The following PDCD11 variants were observed in gnomAD, a reference collection of about 807,000 sequenced individuals.
PDCD11 encodes programmed cell death 11, also known as protein RRP5 homolog.
A neutral mutation model predicts 198.9 loss-of-function variants in PDCD11; 97 were observed. The ratio of observed to expected loss-of-function variants is 0.49; its 90% confidence interval spans 0.41 to 0.58. The LOEUF (loss-of-function observed/expected upper bound fraction) is 0.58. PDCD11 is among the 20% of genes least tolerant of loss of function. PDCD11 has a pLI of 0.00. For synonymous variants in PDCD11, 893 were observed against 918.0 expected (o/e 0.97, Z 0.49); for missense variants, 2,102 against 2,312.7 (o/e 0.91, Z 1.87).
chr10:103,397,732 C>A (rs2093444701), intron 1 of PDCD11, among the ~76,000 whole-genome samples: 1 of 152,224 alleles, frequency 6.6e-6, no homozygotes, highest in South Asian at 2.1e-4. Flanking sequence ...TGGTGCCCGG[C>A]CTTCTTTAAA....
rs550658896 is a variant in PDCD11 at position 103,418,006 on chromosome 10, A to G, written c.1911+74A>G. 42 of 1,524,460 alleles carry G rather than the reference A, an allele frequency of 2.8e-5. 1 individual carries two copies. The East Asian group carries it at 8.8e-4, about 32-fold the overall frequency. The allele number at this position is 1,524,460 out of a possible 1,614,324, so 94.4% of individuals were successfully genotyped here. A position where few individuals can be genotyped will look rare whatever the true frequency, so the allele number is the denominator to read the frequency against. On this transcript the variant is annotated intron_variant, in intron 14 of 35. Coordinates refer to ENST00000369797, the MANE Select transcript of PDCD11 (RefSeq NM_014976.2). ...GCAGGGAACCACTAACACATGGCAT[A>G]TTGGAACCCACGAAGCGGAAAGATA...
chr10:103,413,459 AG>A (rs905832110), intron 9 of PDCD11, 137 bp downstream of exon 9: 2 of 677,650 alleles, frequency 3.0e-6, no homozygotes, highest in Non-Finnish European at 5.1e-6. Context: ...TCCTGTTCAT[AG>A]TGATTAGAAC....
chr10:103,427,413 C>G (rs769390067), intron 21 of PDCD11, 22 bp downstream of exon 21: 13 of 1,596,550 alleles, frequency 8.1e-6, no homozygotes, highest in Non-Finnish European at 1.1e-5. Flanking sequence ...ATTAGCAGCA[C>G]TGTCTTACGG....
At chr10:103,422,507 T>G (rs1251072183) in intron 17 of PDCD11, among the ~76,000 whole-genome samples, 1 of 151,606 alleles carries the variant, frequency 6.6e-6, no homozygotes, top group Non-Finnish European at 1.5e-5. Context: ...AAAATTTCCC[T>G]TAGTTCTGTG....
chr10:103,443,189 G>T lies in PDCD11; in HGVS notation c.4980G>T (p.Val1660=). The change falls in exon 33 of 36, where the codon GTG becomes GTT. Residue 1660 remains valine, a synonymous_variant. Coordinates refer to ENST00000369797, the MANE Select transcript of PDCD11 (RefSeq NM_014976.2). Reference sequence around the variant, plus strand: ...GAGAGGAGCAGGAGAAGCTGAACGTGTGGGTGGCTCTGCTGAACCTGGAGA... The same window carrying T: ...GAGAGGAGCAGGAGAAGCTGAACGTTTGGGTGGCTCTGCTGAACCTGGAGA... ...SFREEQEKLN[V]WVALLNLENM... 6.2e-7 allele frequency: 1 copy of T among 1,601,044 alleles called. No individual in the cohort carries two copies. The highest frequency in any genetic ancestry group is 8.5e-7 in the Non-Finnish European group (1 of 1,171,072).
chr10:103,435,866 G>GCT (rs1435191228), intron 25 of PDCD11, among the ~76,000 whole-genome samples: 3 of 152,090 alleles, frequency 2.0e-5, no homozygotes, highest in Non-Finnish European at 4.4e-5. Flanking sequence ...TAAATTCCTA[G>GCT]AAGTGAAATT....
At position 103,425,249 on chromosome 10, in the gene PDCD11, CTG is replaced by C; in HGVS notation, c.3030_3031del (p.Glu1011AspfsTer3). 1 of 1,614,126 alleles carries C rather than the reference CTG, an allele frequency of 6.2e-7. No individual in the cohort carries two copies. Among genetic ancestry groups the C allele is most frequent in the Non-Finnish European group, 8.5e-7 (1 of 1,180,034 alleles). Reference sequence around the variant, plus strand: ...ACCATGAGGCCGACCCAGAAGGACTCTGAGACAGTTGATGAGGATGAAGAAGT... The same window carrying C: ...ACCATGAGGCCGACCCAGAAGGACTCAGACAGTTGATGAGGATGAAGAAGT... On this transcript the variant is annotated frameshift_variant, in exon 20 of 36. Coordinates refer to ENST00000369797, the MANE Select transcript of PDCD11 (RefSeq NM_014976.2). LOFTEE classifies it high-confidence loss of function.
At chr10:103,427,992 A>C (rs1487660566) in intron 21 of PDCD11, among the ~76,000 whole-genome samples, 1 of 152,100 alleles carries the variant, frequency 6.6e-6, no homozygotes, top group Admixed American at 6.6e-5. Flanking sequence ...GCACCTAGAG[A>C]TTTACAGAAC....
chr10:103,432,515 A>T (rs2031978538), intron 22 of PDCD11, among the ~76,000 whole-genome samples: 1 of 152,200 alleles, frequency 6.6e-6, no homozygotes, highest in Admixed American at 6.5e-5. Context: ...TTAGAATATA[A>T]ATGTATATAA....
chr10:103,397,964 T>C (rs1162133777), intron 1 of PDCD11, among the ~76,000 whole-genome samples: 2 of 152,264 alleles, frequency 1.3e-5, no homozygotes, highest in Non-Finnish European at 2.9e-5. Context: ...TTTATGAAGC[T>C]TGCCTCCTTT....
intron 30 of PDCD11, 147 bp downstream of exon 30, chr10:103,440,997 G>A: frequency 1.7e-6 from 1 of 601,684 alleles, no homozygotes; most frequent in Non-Finnish European, 3.0e-6. Flanking sequence ...AGCTCCTTGA[G>A]GACAAGGGAC....
intron 9 of PDCD11, 151 bp downstream of exon 9, chr10:103,413,473 T>C: frequency 4.6e-6 from 3 of 657,014 alleles, no homozygotes; most frequent in Non-Finnish European, 8.0e-6. Context: ...ATTAGAACAA[T>C]GTCTATTGAC....
chr10:103,428,073 A>C (rs181567635), intron 21 of PDCD11, among the ~76,000 whole-genome samples: 90 of 152,290 alleles, frequency 5.9e-4, no homozygotes, highest in Non-Finnish European at 1.1e-3. Context: ...TTGGAGGCTG[A>C]GGCAGATGAA....
At chr10:103,417,653 C>A in intron 13 of PDCD11, 139 bp from the exon 14 acceptor site, 1 of 870,972 alleles carries the variant, frequency 1.1e-6, no homozygotes, top group Non-Finnish European at 1.8e-6. Flanking sequence ...CAGTGCATTT[C>A]TTCTTTTCAC....
intron 25 of PDCD11, among the ~76,000 whole-genome samples, chr10:103,437,101 A>G (rs2032183191): frequency 1.3e-5 from 2 of 152,122 alleles, no homozygotes; most frequent in Admixed American, 1.3e-4. Context: ...TTAAGGACAT[A>G]CTGTATGCCT....
intron 15 of PDCD11, among the ~76,000 whole-genome samples, chr10:103,419,156 G>GTA (rs2031283728): frequency 6.6e-6 from 1 of 152,186 alleles, no homozygotes; most frequent in African/African-American, 2.4e-5. Flanking sequence ...TAAAGAGGGA[G>GTA]TAGTAGAGGA....
At chr10:103,428,690 AC>A (rs2031802567) in intron 21 of PDCD11, among the ~76,000 whole-genome samples, 1 of 152,206 alleles carries the variant, frequency 6.6e-6, no homozygotes, top group African/African-American at 2.4e-5. Context: ...CTGTGGGAAC[AC>A]TGAGATCCTA....
Position 103,405,179 on chromosome 10 carries a change from G to C in PDCD11, c.560G>C (p.Gly187Ala). Residue 187 changes from glycine to alanine, a missense_variant, in exon 5 of 36, where the codon GGC becomes GCC. Gly to Ala is a moderately conservative substitution (Grantham distance 60). Coordinates refer to ENST00000369797, the MANE Select transcript of PDCD11 (RefSeq NM_014976.2). ...CTGAGTGCTGAGGCCCTGAAGCCTG[G>C]CATGGTAGGTGTCTAGGGTCGGGGA... Reference protein sequence around the residue: ...RVLSAEALKPGMLLTGTVSSL... With the variant: ...RVLSAEALKPAMLLTGTVSSL... The C allele has an allele frequency of 1.2e-6, 2 of 1,613,156 alleles. No individual in the cohort carries two copies. Among genetic ancestry groups the C allele is most frequent in the Non-Finnish European group, 1.7e-6 (2 of 1,179,790 alleles).
At chr10:103,441,465 G>A (rs930997185) in intron 30 of PDCD11, among the ~76,000 whole-genome samples, 1 of 152,032 alleles carries the variant, frequency 6.6e-6, no homozygotes, top group African/African-American at 2.4e-5. Flanking sequence ...ATGTTGGCCG[G>A]GCTGGTCTCG....
Sources: gnomAD v4.1 joint callset for allele counts (sites outside exome capture counted in the v4.1 genomes callset) on GRCh38, gnomAD v4.1.1 for gene constraint, MANE v1.5 for transcripts, NCBI Gene and HGNC (gene_info 2026-07-23, HGNC 2026-07-21) for gene names.